The following MEIS2 variants were observed in gnomAD, a reference collection of about 807,000 sequenced individuals.
MEIS2 encodes the protein Meis homeobox 2, also known as homeobox protein Meis2.
Under a neutral mutation model 58.6 loss-of-function variants are expected in MEIS2, and 9 were observed. The observed-to-expected ratio is 0.15, with a 90% confidence interval of 0.09 to 0.27. MEIS2 has a LOEUF of 0.27. MEIS2 is among the 10% of genes least tolerant of loss of function. MEIS2 has a pLI of 1.00. For synonymous variants in MEIS2, 221 were observed against 228.4 expected, an observed-to-expected ratio of 0.97 and a Z score of 0.29; for missense variants, 427 against 635.0, an observed-to-expected ratio of 0.67 and a Z score of 3.52.
chr15:36,931,325 A>G (rs765345135), intron 9 of MEIS2, among the ~76,000 whole-genome samples: 16 of 152,200 alleles, frequency 1.1e-4, no homozygotes, highest in Non-Finnish European at 2.1e-4. Flanking sequence ...TGGGTGTACT[A>G]CTGTATCTGA....
intron 8 of MEIS2, chr15:36,972,679 C>T (rs1327548664): frequency 1.3e-5 from 2 of 152,180 alleles, no homozygotes; most frequent in Non-Finnish European, 2.9e-5. Flanking sequence ...CAGGGACCAA[C>T]ACCTCTCCTG....
At chr15:36,936,197 CTT>C (rs397953201) in intron 9 of MEIS2, among the ~76,000 whole-genome samples, 48 of 138,966 alleles carry the variant, frequency 3.5e-4, no homozygotes, top group Non-Finnish European at 3.4e-4. Flanking sequence ...CATTTTCTTT[CTT>C]TTTTTTTTTT....
chr15:37,054,898 A>G (rs1465123344), intron 7 of MEIS2, among the ~76,000 whole-genome samples: 2 of 152,242 alleles, frequency 1.3e-5, no homozygotes, highest in Non-Finnish European at 2.9e-5. Context: ...TGTTTTCTAG[A>G]ATAACGACAG....
chr15:36,971,168 C>G (rs1189344948), intron 8 of MEIS2, among the ~76,000 whole-genome samples: 1 of 151,912 alleles, frequency 6.6e-6, no homozygotes, highest in Non-Finnish European at 1.5e-5. Context: ...AAGGAATAAT[C>G]AGAACATAAA....
chr15:36,975,482 T>TTC (rs2059712577), intron 8 of MEIS2, among the ~76,000 whole-genome samples: 1 of 151,442 alleles, frequency 6.6e-6, no homozygotes, highest in South Asian at 2.1e-4. Context: ...TTTTTTTTTT[T>TTC]TTCAGAGTTC....
intron 8 of MEIS2, among the ~76,000 whole-genome samples, chr15:36,976,381 G>A (rs547653921): frequency 1.3e-5 from 2 of 151,962 alleles, no homozygotes; most frequent in East Asian, 1.9e-4. Context: ...ACCGCGCCTG[G>A]CCTATAAAGA....
At chr15:37,046,979 T>C (rs865994213) in intron 7 of MEIS2, among the ~76,000 whole-genome samples, 21 of 152,176 alleles carry the variant, frequency 1.4e-4, no homozygotes, top group Non-Finnish European at 2.5e-4. Flanking sequence ...CTGACCCTAG[T>C]AGAAAAGTAC....
chr15:36,910,914 C>T (rs1196898936), intron 9 of MEIS2, among the ~76,000 whole-genome samples: 3 of 151,972 alleles, frequency 2.0e-5, no homozygotes, highest in Non-Finnish European at 4.4e-5. Flanking sequence ...GGCATGGTGG[C>T]GGCGCCTGTA....
chr15:37,040,166 T>C (rs1469215259), intron 7 of MEIS2, among the ~76,000 whole-genome samples: 1 of 152,066 alleles, frequency 6.6e-6, no homozygotes, highest in Non-Finnish European at 1.5e-5. Context: ...GAAAAAGGTA[T>C]GTATACCAGC....
intron 9 of MEIS2, among the ~76,000 whole-genome samples, chr15:36,919,497 G>A (rs1595723063): frequency 6.6e-6 from 1 of 151,260 alleles, no homozygotes; most frequent in East Asian, 2.0e-4. Flanking sequence ...AGAATCTGTT[G>A]AACCCGGGAG....
At chr15:37,055,504 C>T (rs1159624211) in intron 7 of MEIS2, among the ~76,000 whole-genome samples, 4 of 152,294 alleles carry the variant, frequency 2.6e-5, no homozygotes, top group Admixed American at 6.5e-5. Flanking sequence ...CAACATTACT[C>T]GACTTCGGAA....
chr15:36,896,313 C>G (rs1399364216), intron 10 of MEIS2, among the ~76,000 whole-genome samples: 1 of 152,150 alleles, frequency 6.6e-6, no homozygotes, highest in Non-Finnish European at 1.5e-5. Flanking sequence ...TGAGAGTGTG[C>G]TAATGATTGG....
chr15:37,053,049 T>C (rs1037600489), intron 7 of MEIS2, among the ~76,000 whole-genome samples: 2 of 152,182 alleles, frequency 1.3e-5, no homozygotes, highest in Non-Finnish European at 2.9e-5. Context: ...ACAGGAACTG[T>C]AAAGGTTTTT....
At chr15:37,039,788 T>C (rs947706661) in intron 7 of MEIS2, among the ~76,000 whole-genome samples, 1 of 152,160 alleles carries the variant, frequency 6.6e-6, no homozygotes, top group Non-Finnish European at 1.5e-5. Context: ...ATGTGTCTAG[T>C]TTTGTATTAA....
intron 8 of MEIS2, among the ~76,000 whole-genome samples, chr15:37,010,605 C>T (rs1465545350): frequency 1.3e-5 from 2 of 152,200 alleles, no homozygotes; most frequent in Non-Finnish European, 2.9e-5. Flanking sequence ...CCTCGAACTC[C>T]TGGGCTCAAG....
At chr15:36,931,197 A>G (rs1419281684) in intron 9 of MEIS2, among the ~76,000 whole-genome samples, 2 of 152,340 alleles carry the variant, frequency 1.3e-5, no homozygotes, top group Middle Eastern at 3.4e-3. Context: ...TCATCAGCCA[A>G]GAGAGGAGAG....
chr15:37,008,977 T>C (rs534968152), intron 8 of MEIS2, among the ~76,000 whole-genome samples: 15 of 152,316 alleles, frequency 9.8e-5, no homozygotes, highest in Admixed American at 1.3e-4. Flanking sequence ...CATAAAAGTA[T>C]GGTCTCTGTG....
intron 7 of MEIS2, among the ~76,000 whole-genome samples, chr15:37,042,695 G>A (rs1444614796): frequency 6.6e-6 from 1 of 152,196 alleles, no homozygotes; most frequent in Non-Finnish European, 1.5e-5. Flanking sequence ...CCTGGGGTTG[G>A]GACTGAGCTA....
At chr15:37,081,917 AAACT>A (rs1194161306) in intron 7 of MEIS2, among the ~76,000 whole-genome samples, 2 of 152,178 alleles carry the variant, frequency 1.3e-5, no homozygotes, top group African/African-American at 4.8e-5. Flanking sequence ...CTAAAAAACA[AAACT>A]AACTAACCGA....
Sources: allele counts gnomAD v4.1 joint callset (sites outside exome capture counted in the v4.1 genomes callset), GRCh38; gene constraint gnomAD v4.1.1; transcripts MANE v1.5; gene names NCBI Gene and HGNC (gene_info 2026-07-23, HGNC 2026-07-21).